FANCI: variants seen among roughly 807,000 people sequenced by gnomAD.
FANCI encodes Fanconi anemia group I protein.
Under a neutral mutation model 176.1 loss-of-function variants are expected in FANCI, and 156 were observed. The ratio of observed to expected loss-of-function variants is 0.89; its 90% CI spans 0.78 to 1.01. The LOEUF is 1.01. FANCI is among the 50% of genes least tolerant of loss of function. The probability of loss-of-function intolerance (pLI) is 0.00; values close to 1 mark genes in which losing one functional copy is unlikely to be tolerated. For synonymous variants in FANCI, 613 were observed against 541.7 expected, an observed-to-expected ratio of 1.13 and a Z score of -1.83; for missense variants, 1,678 against 1,534.1, an observed-to-expected ratio of 1.09 and a Z score of -1.57.
At position 89,291,691 on chromosome 15, in the gene FANCI, A is replaced by G; in HGVS notation, c.1969A>G (p.Lys657Glu). Reference protein sequence around the residue: ...LEACILTQGDKISLQEPLDYL... With the variant: ...LEACILTQGDEISLQEPLDYL... ...AGCTTGTATTCTGACCCAAGGAGAT[A>G]AGATCTCTCTACAAGAACCACTGGT... The change falls in exon 20 of 38, where the codon AAG becomes GAG. Residue 657 changes from lysine (K) to glutamate (E), a missense_variant. Coordinates refer to ENST00000310775, the MANE Select transcript of FANCI (RefSeq NM_001113378.2). 6.2e-7 allele frequency: 1 copy of G among 1,613,732 alleles called. No homozygotes were observed. The highest frequency in any genetic ancestry group is 8.5e-7 in the Non-Finnish European group (1 of 1,179,718).
chr15:89,315,449 T>A, intron 37 of FANCI, 60 bp downstream of exon 37: 1 of 1,193,376 alleles, frequency 8.4e-7, no homozygotes, highest in Middle Eastern at 2.1e-4. Context: ...GCAGCCTATC[T>A]GGGAGCAGTC....
At chr15:89,279,654 C>T (rs913328159) in intron 14 of FANCI, among the ~76,000 whole-genome samples, 5 of 152,160 alleles carry the variant, frequency 3.3e-5, no homozygotes, top group African/African-American at 9.7e-5. Flanking sequence ...AAATATAATA[C>T]AGTTCCCTTC....
chr15:89,250,118 T>C (rs2052173311), intron 2 of FANCI, among the ~76,000 whole-genome samples: 1 of 152,172 alleles, frequency 6.6e-6, no homozygotes, highest in African/African-American at 2.4e-5. Flanking sequence ...TATTCAACCA[T>C]TGTGGAAGAC....
chr15:89,276,134 G>A (rs970502906), intron 12 of FANCI, among the ~76,000 whole-genome samples: 2 of 151,826 alleles, frequency 1.3e-5, no homozygotes, highest in Admixed American at 1.3e-4. Context: ...TCCACTGTGG[G>A]GTATAACATT....
chr15:89,251,767 A>G (rs1016260538), intron 2 of FANCI, among the ~76,000 whole-genome samples: 4 of 152,208 alleles, frequency 2.6e-5, no homozygotes, highest in Admixed American at 1.3e-4. Context: ...GCCTTTGACA[A>G]AATTCAACAC....
intron 1 of FANCI, chr15:89,245,170 TTCTTTTC>T (rs1268643648): frequency 2.6e-5 from 3 of 117,594 alleles, no homozygotes; most frequent in African/African-American, 1.2e-4. Context: ...TTCTTTTCTT[TTCTTTTC>T]TTTTTTTTTT....
At chr15:89,253,055 C>G (rs1289200180) in intron 2 of FANCI, among the ~76,000 whole-genome samples, 1 of 152,114 alleles carries the variant, frequency 6.6e-6, no homozygotes, top group Non-Finnish European at 1.5e-5. Context: ...ACCACAAAAA[C>G]TTTTATAAAT....
At chr15:89,291,761 T>C (rs755658078) in intron 20 of FANCI, 47 bp downstream of exon 20, 8 of 1,488,340 alleles carry the variant, frequency 5.4e-6, no homozygotes, top group Non-Finnish European at 7.5e-6. Context: ...GTATTAAGGA[T>C]AGGGTTGAAC....
intron 17 of FANCI, 51 bp downstream of exon 17, chr15:89,283,301 T>C (rs780127649): frequency 6.2e-7 from 1 of 1,611,812 alleles, no homozygotes; most frequent in African/African-American, 1.3e-5. Flanking sequence ...TTCATGTGCA[T>C]CGATGAAATG....
chr15:89,305,834 AAAG>A, intron 31 of FANCI, 136 bp downstream of exon 31: 1 of 1,110,426 alleles, frequency 9.0e-7, no homozygotes, highest in Non-Finnish European at 1.3e-6. Flanking sequence ...CTATGTGATG[AAAG>A]AAGTAGAAGA....
chr15:89,281,214 AGTT>A lies in FANCI; in HGVS notation c.1430_1432del (p.Cys477del). Reference sequence around the variant, plus strand: ...CATGTATGCACCCTTAGTTCTTCAAAGTTGTTCTTCTAAAGTCACAGAAGCTTT... The same window carrying A: ...CATGTATGCACCCTTAGTTCTTCAAAGTTCTTCTAAAGTCACAGAAGCTTT... On this transcript the variant is annotated inframe_deletion, in exon 15 of 38. Coordinates refer to ENST00000310775, the MANE Select transcript of FANCI (RefSeq NM_001113378.2). 6.2e-7 allele frequency: 1 copy of A among 1,613,890 alleles called. No homozygotes were observed. Among genetic ancestry groups the A allele is most frequent in the African/African-American group, 1.3e-5 (1 of 75,048 alleles).
intron 35 of FANCI, among the ~76,000 whole-genome samples, chr15:89,313,230 GTGA>G (rs1417254682): frequency 2.6e-5 from 4 of 151,912 alleles, no homozygotes; most frequent in Admixed American, 2.0e-4. Flanking sequence ...AGAATTGACT[GTGA>G]TGATGGTTGC....
At chr15:89,313,056 C>G in intron 35 of FANCI, 84 bp downstream of exon 35, 1 of 1,273,390 alleles carries the variant, frequency 7.9e-7, no homozygotes, top group Non-Finnish European at 1.1e-6. Context: ...ACAAAAAGAC[C>G]ACGTGTTGTA....
At chr15:89,304,035 A>T in intron 28 of FANCI, 120 bp downstream of exon 28, 1 of 898,940 alleles carries the variant, frequency 1.1e-6, no homozygotes, top group Middle Eastern at 2.1e-4. Context: ...CCAAAATGAA[A>T]CAGACACCTA....
chr15:89,315,233 G>A (rs1407517593), intron 36 of FANCI, 49 bp from the exon 37 acceptor site: 26 of 1,399,268 alleles, frequency 1.9e-5, no homozygotes, highest in Non-Finnish European at 2.6e-5. Flanking sequence ...AGCTGTTCTG[G>A]CAGGACCTAT....
chr15:89,275,912 C>T (rs973701721), intron 12 of FANCI, among the ~76,000 whole-genome samples: 1 of 152,216 alleles, frequency 6.6e-6, no homozygotes, highest in African/African-American at 2.4e-5. Context: ...GTTAGTTACA[C>T]ATGCTTGCCC....
At chr15:89,261,941 A>G in intron 6 of FANCI, 63 bp downstream of exon 6, 2 of 1,452,324 alleles carry the variant, frequency 1.4e-6, no homozygotes, top group Non-Finnish European at 1.9e-6. Flanking sequence ...AAACCACTTT[A>G]TTTCAGGAAT....
chr15:89,308,990 C>G (rs1277126109), intron 34 of FANCI, among the ~76,000 whole-genome samples: 1 of 151,950 alleles, frequency 6.6e-6, no homozygotes, highest in African/African-American at 2.4e-5. Flanking sequence ...GGGCTGTCAT[C>G]TGGGTTTAGC....
intron 2 of FANCI, among the ~76,000 whole-genome samples, chr15:89,250,491 A>G (rs2052193586): frequency 6.7e-6 from 1 of 148,528 alleles, no homozygotes; most frequent in Non-Finnish European, 1.5e-5. Context: ...TGGGAATTGA[A>G]CAGTGAGAAC....
Sources: allele counts gnomAD v4.1 joint callset (sites outside exome capture counted in the v4.1 genomes callset), GRCh38; gene constraint gnomAD v4.1.1; transcripts MANE v1.5; gene names NCBI Gene and HGNC (gene_info 2026-07-23, HGNC 2026-07-21).